Variants in PDXDC1 observed in about 807,000 individuals in gnomAD.
PDXDC1 encodes pyridoxal dependent decarboxylase domain containing 1.
In PDXDC1, 42 loss-of-function variants were observed where a neutral mutation model predicts 100.1. The ratio of observed to expected loss-of-function variants is 0.42; its 90% confidence interval spans 0.33 to 0.54. The LOEUF is 0.54. Ranked by LOEUF, PDXDC1 falls within the 20% of genes least tolerant of loss-of-function variation. The pLI is 0.10. For synonymous variants in PDXDC1, 260 were observed against 371.7 expected (o/e 0.70, Z 3.46); for missense variants, 636 against 979.2 (o/e 0.65, Z 4.68).
intron 16 of PDXDC1, chr16:15,076,509 C>T (rs2045460700): frequency 2.4e-6 from 3 of 1,255,966 alleles, no homozygotes; most frequent in Non-Finnish European, 3.5e-6. Flanking sequence ...TAGCTGTTTC[C>T]ACCCTTTATG....
intron 16 of PDXDC1, among the ~76,000 whole-genome samples, chr16:15,097,492 A>AT (rs2046397751): frequency 1.4e-5 from 2 of 147,386 alleles, no homozygotes; most frequent in Non-Finnish European, 3.0e-5. Flanking sequence ...AAAAAAAAAA[A>AT]TGTGCCGGGC....
At position 15,012,939 on chromosome 16, in the gene PDXDC1, A is replaced by G. The variant is rs544709043; in HGVS notation, c.727+3180A>G. ...GTAATCCCAGCACTTTGGGAGGCCG[A>G]GGCGGGCAGATTACGAGGTCAGGAG... On this transcript the variant is annotated intron_variant, in intron 8 of 22. Transcript: ENST00000396410. Among the ~76,000 whole-genome samples, 360 of 152,362 alleles carry G rather than the reference A, an allele frequency of 2.4e-3. 1 individual carries two copies. The highest frequency in any genetic ancestry group is 3.2e-3 in the Non-Finnish European group (216 of 68,038).
At position 15,005,317 on chromosome 16, in the gene PDXDC1, A is replaced by AAAAAAGG. The variant is rs5816114; in HGVS notation, c.389+987_389+988insAAGGAAA. ...GAGACTCTGTCTCAAAAAAAAAAAA[A>AAAAAAGG]AAAGAAAACTCTGTCATAAGGAAGA... On this transcript the variant is annotated intron_variant, in intron 5 of 22. Coordinates refer to ENST00000396410, the MANE Select transcript of PDXDC1 (RefSeq NM_015027.4). 2.7e-5 allele frequency among the ~76,000 whole-genome samples: 4 copies of AAAAAAGG among 146,906 alleles called. No individual in the cohort carries two copies. In the East Asian group the frequency reaches 8.3e-4, roughly 30 times the overall value.
chr16:15,101,006 G>T (rs1273434315), intron 16 of PDXDC1, among the ~76,000 whole-genome samples: 1 of 152,076 alleles, frequency 6.6e-6, no homozygotes, highest in Non-Finnish European at 1.5e-5. Context: ...AAGAAAGAAA[G>T]AAATCCTAGC....
At chr16:15,072,879 CCA>C (rs1255457014) in intron 16 of PDXDC1, 12 of 1,523,312 alleles carry the variant, frequency 7.9e-6, no homozygotes, top group East Asian at 4.5e-5. Context: ...TCCGTCCACC[CCA>C]GTTTTTAGGG....
intron 16 of PDXDC1, among the ~76,000 whole-genome samples, chr16:15,119,553 A>G (rs1382935215): frequency 2.2e-5 from 3 of 137,140 alleles, no homozygotes; most frequent in South Asian, 2.4e-4. Context: ...CGAGCAGCTG[A>G]GATTACAGGT....
chr16:15,080,209 AAC>A (rs1345912258), intron 16 of PDXDC1: 1 of 1,335,714 alleles, frequency 7.5e-7, no homozygotes, highest in Non-Finnish European at 9.9e-7. Flanking sequence ...AAAAGAAAAA[AAC>A]AGACTATCCA....
chr16:14,989,218 C>G, intron 1 of PDXDC1: 7 of 1,614,238 alleles, frequency 4.3e-6, no homozygotes, highest in Non-Finnish European at 5.9e-6. Context: ...TCCTTCCGTG[C>G]CAAGTCCTGC....
chr16:15,137,283 T>A, intron 16 of PDXDC1: 2 of 838,218 alleles, frequency 2.4e-6, no homozygotes, highest in Non-Finnish European at 3.7e-6. Flanking sequence ...TGGAGGAGGG[T>A]GGGGCCCCTA....
At chr16:15,054,993 T>C (rs1057297137) in intron 16 of PDXDC1, among the ~76,000 whole-genome samples, 4 of 152,274 alleles carry the variant, frequency 2.6e-5, no homozygotes, top group South Asian at 2.1e-4. Context: ...CAGTTTATAG[T>C]ATCTGAGCCT....
At chr16:15,064,580 C>T (rs2044874337) in intron 16 of PDXDC1, among the ~76,000 whole-genome samples, 2 of 152,210 alleles carry the variant, frequency 1.3e-5, no homozygotes, top group South Asian at 4.1e-4. Flanking sequence ...AGACAGCACC[C>T]TCCCCTATCC....
At chr16:15,012,471 A>T (rs1193628546) in intron 8 of PDXDC1, among the ~76,000 whole-genome samples, 43 of 152,400 alleles carry the variant, frequency 2.8e-4, no homozygotes, top group African/African-American at 9.9e-4. Context: ...ATGAAAATGT[A>T]TAGCACTTGA....
At chr16:15,127,560 G>C (rs755384102) in intron 16 of PDXDC1, 3 of 1,294,048 alleles carry the variant, frequency 2.3e-6, no homozygotes, top group African/African-American at 3.0e-5. Flanking sequence ...CGACTGTGTC[G>C]ACGCTCAGCG....
chr16:15,110,971 A>G (rs1326675405), intron 16 of PDXDC1: 7 of 662,360 alleles, frequency 1.1e-5, no homozygotes, highest in South Asian at 7.7e-5. Flanking sequence ...TCTACTAAAA[A>G]TACAAAAATT....
At position 15,005,061 on chromosome 16, in the gene PDXDC1, A is replaced by G. The variant is rs542217252; in HGVS notation, c.389+728A>G. Reference sequence around the variant, plus strand: ...GAAAATATTAGCTTGTGTTTTTATTAGAAAGAAAACTCTGAGGCCAGGCAC... The same window carrying G: ...GAAAATATTAGCTTGTGTTTTTATTGGAAAGAAAACTCTGAGGCCAGGCAC... On this transcript the variant is annotated intron_variant, in intron 5 of 22. Coordinates refer to ENST00000396410, the MANE Select transcript of PDXDC1 (RefSeq NM_015027.4). Among the ~76,000 whole-genome samples the G allele has an allele frequency of 5.2e-5, 8 of 152,396 alleles. No individual in the cohort carries two copies. The East Asian group carries it at 1.5e-3, about 29-fold the overall frequency.
chr16:15,068,199 G>A (rs754163798), intron 16 of PDXDC1: 12 of 1,596,588 alleles, frequency 7.5e-6, no homozygotes, highest in Non-Finnish European at 1.0e-5. Context: ...GTTAACCACT[G>A]AGGGCAGGCA....
chr16:15,044,464 G>A, intron 16 of PDXDC1: 1 of 1,115,976 alleles, frequency 9.0e-7, no homozygotes, highest in East Asian at 2.4e-5. Context: ...GCGTGCGCTG[G>A]TCTCACTTTG....
intron 16 of PDXDC1, chr16:15,071,141 T>C (rs1187243892): frequency 6.2e-7 from 1 of 1,609,134 alleles, no homozygotes; most frequent in Admixed American, 1.7e-5. Context: ...TAAATTTAGC[T>C]CTTGCCAAAA....
chr16:15,019,628 T>G (rs1161809392), intron 12 of PDXDC1, among the ~76,000 whole-genome samples: 4 of 152,284 alleles, frequency 2.6e-5, no homozygotes, highest in African/African-American at 9.6e-5. Context: ...GATAGTGCCT[T>G]GCATGTGGCC....
Sources: gnomAD v4.1 joint callset for allele counts (sites outside exome capture counted in the v4.1 genomes callset) on GRCh38, gnomAD v4.1.1 for gene constraint, MANE v1.5 for transcripts, NCBI Gene and HGNC (gene_info 2026-07-23, HGNC 2026-07-21) for gene names.